EYA2: variants seen among roughly 807,000 people sequenced by gnomAD.
EYA2 encodes the protein EYA transcriptional coactivator and phosphatase 2.
A neutral mutation model predicts 69.2 loss-of-function variants in EYA2; 31 were observed. The observed-to-expected ratio is 0.45, with a 90% confidence interval of 0.34 to 0.60. The LOEUF (loss-of-function observed/expected upper bound fraction) is 0.60. Ranked by LOEUF, EYA2 falls within the 20% of genes least tolerant of loss-of-function variation. The pLI is 0.02. For missense variants in EYA2, 622 were observed against 701.2 expected (o/e 0.89, Z 1.28); for synonymous variants, 257 against 279.4 (o/e 0.92, Z 0.80).
intron 1 of EYA2, among the ~76,000 whole-genome samples, chr20:46,988,067 T>C (rs1981409078): frequency 6.8e-6 from 1 of 147,674 alleles, no homozygotes; most frequent in South Asian, 2.2e-4. Flanking sequence ...ACTGTTTACA[T>C]AGTGTTTACA....
chr20:46,995,929 C>T (rs1160970134), intron 2 of EYA2, among the ~76,000 whole-genome samples: 1 of 152,208 alleles, frequency 6.6e-6, no homozygotes, highest in African/African-American at 2.4e-5. Context: ...CCCCAATTTG[C>T]AGATGAGAAA....
chr20:47,161,206 G>A (rs948600986), intron 10 of EYA2: 9 of 466,518 alleles, frequency 1.9e-5, no homozygotes, highest in African/African-American at 1.2e-4. Context: ...GGGGCTTGCC[G>A]ATCTTGCTCC....
chr20:47,053,961 G>A lies in EYA2; in HGVS notation c.416-18224G>A, dbSNP rs2146440085. The stretch of plus-strand genomic sequence containing the variant: ...ATCCCAGCTCGGAACCTTACTGAGT[G>A]ACCTTGGGCCTCAGTTTCCCCATTT... On this transcript the variant is annotated intron_variant, in intron 5 of 15. Coordinates refer to ENST00000327619, the MANE Select transcript of EYA2 (RefSeq NM_005244.5). 1.3e-5 allele frequency among the ~76,000 whole-genome samples: 2 copies of A among 152,056 alleles called. 1 individual carries two copies. Among genetic ancestry groups the A allele is most frequent in the Admixed American group, 1.3e-4 (2 of 15,288 alleles).
intron 4 of EYA2, among the ~76,000 whole-genome samples, chr20:47,012,191 G>A (rs992610377): frequency 1.4e-4 from 21 of 152,128 alleles, no homozygotes; most frequent in African/African-American, 5.1e-4. Flanking sequence ...TGCTCACTTT[G>A]GTGCTTCCAT....
Position 47,005,024 on chromosome 20 carries a change from C to T in EYA2, c.238C>T (p.Gln80Ter). 1 of 1,614,062 alleles carries T rather than the reference C, an allele frequency of 6.2e-7. No individual in the cohort carries two copies. The highest frequency in any genetic ancestry group is 8.5e-7 in the Non-Finnish European group (1 of 1,179,950). ...GQTQYSAGIQ[Q>*]ATPYTAYPPP... ...GACGCAGTACAGTGCGGGGATCCAG[C>T]AGGCTACCCCCTATACAGCTTACCC... Residue 80 changes from glutamine (Q) to a stop codon, truncating the protein, a stop_gained, in exon 4 of 16, where the codon CAG becomes TAG. Coordinates refer to ENST00000327619, the MANE Select transcript of EYA2 (RefSeq NM_005244.5). LOFTEE classifies it high-confidence loss of function.
chr20:47,001,867 T>G (rs1469891335), intron 3 of EYA2, among the ~76,000 whole-genome samples: 1 of 151,716 alleles, frequency 6.6e-6, no homozygotes, highest in African/African-American at 2.4e-5. Flanking sequence ...TTTCCCTCCC[T>G]TTTTGCCACT....
chr20:47,010,638 AGT>A (rs1982999486), intron 4 of EYA2, among the ~76,000 whole-genome samples: 1 of 150,452 alleles, frequency 6.6e-6, no homozygotes, highest in Non-Finnish European at 1.5e-5. Context: ...CAAAAAAAAA[AGT>A]AGTTACATAT....
intron 1 of EYA2, among the ~76,000 whole-genome samples, chr20:46,948,913 A>G (rs6063044): frequency 0.31 from 46,823 of 152,172 alleles, 9,244 homozygotes; most frequent in Non-Finnish European, 0.44. Context: ...TGTTTTCTTC[A>G]TATATATTTA....
At chr20:47,089,875 A>C (rs1265322973) in intron 8 of EYA2, among the ~76,000 whole-genome samples, 2 of 152,060 alleles carry the variant, frequency 1.3e-5, no homozygotes, top group African/African-American at 4.8e-5. Flanking sequence ...GCCCCATCCC[A>C]GATCAATTGA....
intron 7 of EYA2, among the ~76,000 whole-genome samples, chr20:47,080,866 G>A (rs1354744557): frequency 6.6e-6 from 1 of 152,266 alleles, no homozygotes; most frequent in African/African-American, 2.4e-5. Context: ...AACAGTGCAG[G>A]AAAGACCCTC....
intron 1 of EYA2, among the ~76,000 whole-genome samples, chr20:46,949,694 A>T (rs186801008): frequency 6.6e-6 from 1 of 152,200 alleles, no homozygotes; most frequent in Non-Finnish European, 1.5e-5. Context: ...TATTGAATGG[A>T]TGGACTGCTC....
chr20:46,977,494 A>C (rs1161480839), intron 1 of EYA2, among the ~76,000 whole-genome samples: 1 of 152,164 alleles, frequency 6.6e-6, no homozygotes, highest in Non-Finnish European at 1.5e-5. Flanking sequence ...CTGTATCCTC[A>C]ATGTCTGAGA....
intron 10 of EYA2, among the ~76,000 whole-genome samples, chr20:47,160,492 G>A (rs80273847): frequency 0.015 from 2,337 of 152,194 alleles, 58 homozygotes; most frequent in African/African-American, 0.052. Flanking sequence ...ACGGTGGGGC[G>A]GGGGGCGGTG....
At chr20:47,003,720 A>G (rs2146348892) in intron 3 of EYA2, among the ~76,000 whole-genome samples, 1 of 152,368 alleles carries the variant, frequency 6.6e-6, no homozygotes, top group Non-Finnish European at 1.5e-5. Flanking sequence ...CCTTTGTGTT[A>G]GAACAACTGA....
chr20:46,907,260 G>A (rs987898293), intron 1 of EYA2, among the ~76,000 whole-genome samples: 32 of 152,256 alleles, frequency 2.1e-4, no homozygotes, highest in African/African-American at 7.0e-4. Context: ...GAGCTGTGAG[G>A]TTCAAGCTGG....
At chr20:46,912,778 G>A (rs1480436564) in intron 1 of EYA2, among the ~76,000 whole-genome samples, 2 of 149,718 alleles carry the variant, frequency 1.3e-5, no homozygotes, top group Admixed American at 6.7e-5. Flanking sequence ...TCGGCTCACT[G>A]CAAGCTCCGC....
intron 4 of EYA2, among the ~76,000 whole-genome samples, chr20:47,008,415 C>A (rs781725969): frequency 6.6e-6 from 1 of 152,190 alleles, no homozygotes. Context: ...CTGTAAATCC[C>A]GGGGGATTAC....
chr20:47,180,842 C>G lies in EYA2; in HGVS notation c.1341C>G (p.Thr447=). The part of the protein sequence containing the change: ...SRPNCVNVLV[T]TTQLIPALAK... ...CCAACTGTGTCAATGTGCTGGTCAC[C>G]ACCACTCAACTAATTCCTGCCCTGG... Residue 447 remains threonine, a synonymous_variant, in exon 14 of 16, where the codon ACC becomes ACG. Coordinates refer to ENST00000327619, the MANE Select transcript of EYA2 (RefSeq NM_005244.5). The G allele has an allele frequency of 6.2e-7, 1 of 1,614,176 alleles. No individual in the cohort carries two copies.
At chr20:47,050,986 CT>C (rs2030302838) in intron 5 of EYA2, among the ~76,000 whole-genome samples, 1 of 152,362 alleles carries the variant, frequency 6.6e-6, no homozygotes, top group Non-Finnish European at 1.5e-5. Context: ...TTGGTGAGCC[CT>C]TGACCTCTCC....
Sources: gnomAD v4.1 joint callset for allele counts (sites outside exome capture counted in the v4.1 genomes callset) on GRCh38, gnomAD v4.1.1 for gene constraint, MANE v1.5 for transcripts, NCBI Gene and HGNC (gene_info 2026-07-23, HGNC 2026-07-21) for gene names.